The following KIFC3 variants were observed in gnomAD, a reference collection of about 807,000 sequenced individuals.
KIFC3 encodes the protein kinesin family member C3.
A neutral mutation model predicts 101.8 loss-of-function variants in KIFC3; 60 were observed. The ratio of observed to expected loss-of-function variants is 0.59; its 90% CI spans 0.48 to 0.73. The LOEUF (loss-of-function observed/expected upper bound fraction) is 0.73, where lower values mean the gene tolerates loss of function less well. Ranked by LOEUF, KIFC3 falls within the 30% of genes least tolerant of loss-of-function variation. The probability of loss-of-function intolerance (pLI) is 0.00; values close to 1 mark genes in which losing one functional copy is unlikely to be tolerated. For synonymous variants in KIFC3, 476 were observed against 482.7 expected (o/e 0.99, Z 0.18); for missense variants, 966 against 1,137.1 (o/e 0.85, Z 2.16).
chr16:57,761,608 C>T (rs564235101), intron 13 of KIFC3, 72 bp from the exon 14 acceptor site: 1 of 1,554,852 alleles, frequency 6.4e-7, no homozygotes, highest in Non-Finnish European at 8.7e-7. Flanking sequence ...CCCAGCCCCC[C>T]AGCCAGGAAT....
intron 1 of KIFC3, among the ~76,000 whole-genome samples, chr16:57,812,752 G>A (rs2055119834): frequency 1.3e-5 from 2 of 152,224 alleles, no homozygotes; most frequent in Admixed American, 1.3e-4. Flanking sequence ...GAAACACCGG[G>A]CTGGCCAGGG....
intron 12 of KIFC3, among the ~76,000 whole-genome samples, chr16:57,762,938 G>A (rs782052436): frequency 2.0e-5 from 3 of 151,416 alleles, no homozygotes; most frequent in African/African-American, 7.3e-5. Flanking sequence ...TCCTCTGACC[G>A]CCCCTTGGCC....
intron 1 of KIFC3, among the ~76,000 whole-genome samples, chr16:57,821,087 C>T (rs2055340348): frequency 6.6e-6 from 1 of 151,068 alleles, no homozygotes; most frequent in East Asian, 1.9e-4. Context: ...GCGAAGATTA[C>T]ACCATTGCAC....
intron 1 of KIFC3, among the ~76,000 whole-genome samples, chr16:57,851,612 G>A (rs1181292483): frequency 1.3e-5 from 2 of 151,446 alleles, no homozygotes; most frequent in Non-Finnish European, 2.9e-5. Context: ...TGTTGCCAAG[G>A]CTGGAGTGCA....
chr16:57,761,120 C>T lies in KIFC3; in HGVS notation c.1924G>A (p.Glu642Lys), dbSNP rs910909205. 1.9e-6 allele frequency: 3 copies of T among 1,613,978 alleles called. No homozygotes were observed. Among genetic ancestry groups the T allele is most frequent in the East Asian group, 2.2e-5 (1 of 44,872 alleles). The change falls in exon 15 of 20, where the codon GAG (glutamate) becomes AAG (lysine). Residue 642 changes from glutamate (E) to lysine (K), a missense_variant. Glu to Lys is a moderately conservative substitution (Grantham distance 56). Around this residue, in one of 2 missense-constraint regions of KIFC3, gnomAD observed 689 missense variants for 884.6 expected, o/e 0.78. Coordinates refer to ENST00000445690, the MANE Select transcript of KIFC3 (RefSeq NM_001130100.2). ...NRTTEFTNLN[E>K]HSSRSHALLI... is the part of the protein sequence containing the mutation. ...AGCGCGTGCGAGCGGGAGCTGTGCT[C>T]GTTCAGGTTGGTGAACTCGGTCGTG...
At chr16:57,813,497 A>G (rs1555628152) in intron 1 of KIFC3, among the ~76,000 whole-genome samples, 2 of 151,870 alleles carry the variant, frequency 1.3e-5, no homozygotes, top group African/African-American at 2.4e-5. Flanking sequence ...TCCCTGTCCT[A>G]TGCTCTTCAT....
At chr16:57,799,304 G>A (rs573684198) in intron 1 of KIFC3, among the ~76,000 whole-genome samples, 19 of 152,204 alleles carry the variant, frequency 1.2e-4, no homozygotes, top group Non-Finnish European at 2.4e-4. Flanking sequence ...TACAGAAGAA[G>A]CGAAGTCAGC....
Position 57,762,141 on chromosome 16 carries a change from T to C in KIFC3, c.1747A>G (p.Arg583Gly). Residue 583 changes from arginine to glycine, a missense_variant and splice_region_variant, in exon 13 of 20, where the codon AGG (arginine) becomes GGG (glycine). By Grantham distance (125) the Arg-to-Gly change is moderately radical. Transcript: ENST00000445690. Reference sequence around the variant, plus strand: ...CTCCGCACACCCTGGGGCTCCCACCTGAGGACCTCATTGTAGATCTCCGCA... The same window carrying C: ...CTCCGCACACCCTGGGGCTCCCACCCGAGGACCTCATTGTAGATCTCCGCA... Reference protein sequence around the residue: ...SAAEIYNEVLRDLLGKEPQEK... With the variant: ...SAAEIYNEVLGDLLGKEPQEK... 1 of 1,597,828 alleles carries C rather than the reference T, an allele frequency of 6.3e-7. No homozygotes were observed. Among genetic ancestry groups the C allele is most frequent in the Non-Finnish European group, 8.5e-7 (1 of 1,170,858 alleles).
intron 1 of KIFC3, chr16:57,815,755 C>A: frequency 1.1e-6 from 1 of 915,020 alleles, no homozygotes; most frequent in Non-Finnish European, 1.5e-6. Context: ...GTCCCACGGC[C>A]AAGTTGCCTG....
Position 57,758,870 on chromosome 16 carries a change from C to CG in KIFC3, c.*63dup, listed in dbSNP as rs782153313. On this transcript the variant is annotated 3_prime_UTR_variant, in exon 20 of 20. Transcript: ENST00000445690. ...AGTGAGGGCCCAGCTTCAGGCCCAG[C>CG]GGGGTCACATCCGTCACACAGGCAG... 3 of 1,603,964 alleles carry CG rather than the reference C, an allele frequency of 1.9e-6. No homozygotes were observed. The highest frequency in any genetic ancestry group is 2.6e-6 in the Non-Finnish European group (3 of 1,174,768).
chr16:57,772,786 G>A (rs2051438157), intron 3 of KIFC3, among the ~76,000 whole-genome samples: 1 of 152,176 alleles, frequency 6.6e-6, no homozygotes, highest in Non-Finnish European at 1.5e-5. Flanking sequence ...TGGCAAGTCA[G>A]CCTGTGGAGA....
At chr16:57,759,609 G>A (rs12929142) in intron 18 of KIFC3, 119 bp downstream of exon 18, 55,248 of 729,214 alleles carry the variant, frequency 0.076, 2,387 homozygotes, top group South Asian at 0.12. Flanking sequence ...AACAGGTTCT[G>A]GAGAAGGTGT....
intron 1 of KIFC3, among the ~76,000 whole-genome samples, chr16:57,857,765 A>G (rs1349164824): frequency 2.2e-5 from 3 of 138,564 alleles, no homozygotes; most frequent in African/African-American, 8.1e-5. Context: ...CATGGTGTAT[A>G]TGTGCCACAT....
At chr16:57,771,522 G>A in intron 5 of KIFC3, 21 bp downstream of exon 5, 1 of 1,611,492 alleles carries the variant, frequency 6.2e-7, no homozygotes, top group Non-Finnish European at 8.5e-7. Context: ...CCAGCATGGG[G>A]ACCACGGCCA....
rs534975706 is a variant in KIFC3 at position 57,797,522 on chromosome 16, G to A, written c.172+550C>T. On this transcript the variant is annotated intron_variant, in intron 2 of 19. Transcript: ENST00000445690. Reference sequence around the variant, plus strand: ...GGGGTACAGTGGGGGCCAAGACTCTGGGACCTCTGCCCACCTGCTGTCAGG... The same window carrying A: ...GGGGTACAGTGGGGGCCAAGACTCTAGGACCTCTGCCCACCTGCTGTCAGG... 8.5e-5 allele frequency among the ~76,000 whole-genome samples: 13 copies of A among 152,334 alleles called. No homozygotes were observed. The South Asian group carries it at 2.7e-3, about 32-fold the overall frequency.
chr16:57,768,216 C>T (rs1366688985), intron 9 of KIFC3, among the ~76,000 whole-genome samples: 1 of 151,998 alleles, frequency 6.6e-6, no homozygotes, highest in Non-Finnish European at 1.5e-5. Flanking sequence ...CATGGTGGCA[C>T]ACGCCTGTAA....
At chr16:57,795,324 C>T (rs923072587) in intron 2 of KIFC3, among the ~76,000 whole-genome samples, 183 bp from the exon 3 acceptor site, 2 of 152,322 alleles carry the variant, frequency 1.3e-5, no homozygotes, top group African/African-American at 2.4e-5. Context: ...AGGCCTGGCT[C>T]GGGGCAGTGG....
intron 1 of KIFC3, among the ~76,000 whole-genome samples, chr16:57,844,989 G>T (rs201662574): frequency 6.6e-6 from 1 of 152,138 alleles, no homozygotes; most frequent in South Asian, 2.1e-4. Flanking sequence ...TAGCCAGTGC[G>T]TCTCCTCTGC....
At chr16:57,857,395 C>CT (rs11404405) in intron 1 of KIFC3, among the ~76,000 whole-genome samples, 87,566 of 135,806 alleles carry the variant, frequency 0.64, 26,581 homozygotes, top group Middle Eastern at 0.76. Flanking sequence ...TAAAACCTTT[C>CT]TTTTTTTTTT....
Sources: allele counts gnomAD v4.1 joint callset (sites outside exome capture counted in the v4.1 genomes callset), GRCh38; gene constraint gnomAD v4.1.1; regional missense constraint gnomAD v4.1.1; transcripts MANE v1.5; gene names NCBI Gene and HGNC (gene_info 2026-07-23, HGNC 2026-07-21).